Variants in TOMM70 observed in about 807,000 individuals in gnomAD.
TOMM70 encodes mitochondrial import receptor subunit TOM70.
Under a neutral mutation model 73.6 loss-of-function variants are expected in TOMM70, and 13 were observed. That is an observed-to-expected ratio of 0.18 (90% CI 0.11 to 0.28). The LOEUF is 0.28. Among genes scored for constraint, TOMM70 ranks in the 10% least tolerant of loss-of-function variants. The pLI, the probability that TOMM70 is intolerant of heterozygous loss-of-function variation, is 1.00. For missense variants in TOMM70, 609 were observed against 747.5 expected, an observed-to-expected ratio of 0.81 and a Z score of 2.16; for synonymous variants, 257 against 271.2, an observed-to-expected ratio of 0.95 and a Z score of 0.51.
intron 7 of TOMM70, 95 bp downstream of exon 7, chr3:100,374,923 A>G (rs1197846794): frequency 3.7e-6 from 5 of 1,368,146 alleles, no homozygotes; most frequent in Admixed American, 5.5e-5. Context: ...CAGAAATTAT[A>G]TAAGAAAACT....
chr3:100,387,238 G>A (rs1368515968), intron 1 of TOMM70, among the ~76,000 whole-genome samples: 1 of 152,130 alleles, frequency 6.6e-6, no homozygotes, highest in African/African-American at 2.4e-5. Context: ...CTTGAGGCCA[G>A]GAGTTTGAGA....
At chr3:100,396,597 C>T (rs1156532667) in intron 1 of TOMM70, among the ~76,000 whole-genome samples, 1 of 151,998 alleles carries the variant, frequency 6.6e-6, no homozygotes, top group Non-Finnish European at 1.5e-5. Context: ...TGACTCAAGC[C>T]CACAGATTGA....
At chr3:100,379,202 T>A (rs955870654) in intron 5 of TOMM70, among the ~76,000 whole-genome samples, 1 of 151,364 alleles carries the variant, frequency 6.6e-6, no homozygotes, top group African/African-American at 2.4e-5. Context: ...TAATTTTTTT[T>A]AACTGAAATT....
intron 2 of TOMM70, 32 bp from the exon 3 acceptor site, chr3:100,386,376 C>A (rs1246903737): frequency 6.3e-7 from 1 of 1,578,528 alleles, no homozygotes; most frequent in Non-Finnish European, 8.6e-7. Context: ...AAAAGTCACA[C>A]TAAAGAAAGT....
intron 1 of TOMM70, among the ~76,000 whole-genome samples, chr3:100,395,685 A>C (rs1364142542): frequency 1.3e-5 from 2 of 152,230 alleles, no homozygotes; most frequent in African/African-American, 4.8e-5. Context: ...CATATATAAA[A>C]TATAAACTTA....
chr3:100,386,579 T>C (rs938941402), intron 2 of TOMM70, among the ~76,000 whole-genome samples: 3 of 152,218 alleles, frequency 2.0e-5, no homozygotes, highest in African/African-American at 7.2e-5. Flanking sequence ...TACTATCTAA[T>C]TTTATAAAAT....
At chr3:100,397,097 T>G (rs972580975) in intron 1 of TOMM70, among the ~76,000 whole-genome samples, 4 of 152,220 alleles carry the variant, frequency 2.6e-5, no homozygotes, top group Non-Finnish European at 5.9e-5. Flanking sequence ...ATTGCTCAGG[T>G]GGAGAAAGGA....
chr3:100,368,297 A>G, intron 10 of TOMM70, 131 bp from the exon 11 acceptor site: 1 of 1,093,398 alleles, frequency 9.1e-7, no homozygotes, highest in Non-Finnish European at 1.2e-6. Flanking sequence ...GCAATATATA[A>G]TCAGCATCAA....
chr3:100,367,247 G>A (rs938019662), intron 11 of TOMM70, among the ~76,000 whole-genome samples: 2 of 151,904 alleles, frequency 1.3e-5, no homozygotes, highest in Admixed American at 1.3e-4. Context: ...ATATTTACAT[G>A]CCACTGTGGG....
At chr3:100,394,372 T>TTCTTTTC (rs1379493872) in intron 1 of TOMM70, among the ~76,000 whole-genome samples, 1 of 152,050 alleles carries the variant, frequency 6.6e-6, no homozygotes, top group African/African-American at 2.4e-5. Flanking sequence ...TTTCTTTTTT[T>TTCTTTTC]TTTTTTGAGA....
intron 6 of TOMM70, chr3:100,377,504 C>A (rs1166690802): frequency 3.5e-6 from 2 of 569,486 alleles, no homozygotes; most frequent in Non-Finnish European, 6.1e-6. Context: ...AATTTCCTTT[C>A]CTAAATAAAG....
intron 1 of TOMM70, among the ~76,000 whole-genome samples, chr3:100,399,527 A>G (rs1347398271): frequency 1.3e-5 from 2 of 152,162 alleles, no homozygotes. Flanking sequence ...AGCCAGACTA[A>G]TTCTCTGCAC....
At chr3:100,392,667 C>T (rs922374544) in intron 1 of TOMM70, among the ~76,000 whole-genome samples, 14 of 152,120 alleles carry the variant, frequency 9.2e-5, no homozygotes, top group African/African-American at 3.1e-4. Context: ...ATCCACACAC[C>T]TCAGCCTCCC....
At position 100,386,832 on chromosome 3, in the gene TOMM70, T is replaced by C. The variant is rs757322156; in HGVS notation, c.471A>G (p.Gln157=). Residue 157 remains glutamine (Q), a synonymous_variant, in exon 2 of 12, where the codon CAA becomes CAG. Coordinates refer to ENST00000284320, the MANE Select transcript of TOMM70 (RefSeq NM_014820.5). ...ACTGTTCAAAGGCAGCAGCTCTGTT[T>C]TGATAAAATGTAGAAAGGTCAACAT... ...EKNVDLSTFY[Q]NRAAAFEQLQ... 1.1e-5 allele frequency: 17 copies of C among 1,614,058 alleles called. No individual in the cohort carries two copies. Among genetic ancestry groups the C allele is most frequent in the Non-Finnish European group, 1.7e-6 (2 of 1,180,034 alleles).
intron 5 of TOMM70, among the ~76,000 whole-genome samples, chr3:100,379,968 T>G (rs1706612392): frequency 6.6e-6 from 1 of 152,180 alleles, no homozygotes; most frequent in African/African-American, 2.4e-5. Context: ...CCAAAAATCT[T>G]ATAAGCTCTA....
intron 9 of TOMM70, among the ~76,000 whole-genome samples, chr3:100,370,913 C>T (rs1200914177): frequency 2.0e-5 from 3 of 152,182 alleles, no homozygotes; most frequent in Non-Finnish European, 4.4e-5. Context: ...GGCCTTTGCT[C>T]TTCTAGATGC....
At chr3:100,375,188 T>G in intron 6 of TOMM70, 36 bp from the exon 7 acceptor site, 1 of 1,495,170 alleles carries the variant, frequency 6.7e-7, no homozygotes. Flanking sequence ...TCATCATTAC[T>G]TTTTTTTCCC....
intron 1 of TOMM70, among the ~76,000 whole-genome samples, chr3:100,399,278 CAA>C (rs200617536): frequency 8.8e-5 from 8 of 91,216 alleles, no homozygotes; most frequent in Admixed American, 1.2e-4. Context: ...GACTCCATCT[CAA>C]AAAAAAAAAA....
At position 100,364,025 on chromosome 3, in the gene TOMM70, A is replaced by G. The variant is rs1179489675; in HGVS notation, c.*1539T>C. 1 of 152,172 alleles carries G rather than the reference A, an allele frequency of 6.6e-6. No individual in the cohort carries two copies. Among genetic ancestry groups the G allele is most frequent in the African/African-American group, 2.4e-5 (1 of 41,436 alleles). 9.4% of individuals were successfully genotyped at this position (152,172 alleles called of 1,614,324 possible). A position where few individuals can be genotyped will look rare whatever the true frequency, so the allele number is the denominator to read the frequency against. On this transcript the variant is annotated 3_prime_UTR_variant, in exon 12 of 12. Transcript: ENST00000284320. The stretch of plus-strand genomic sequence containing the variant: ...TGCTCCTTTACTCCCAACAGTGTAA[A>G]CCATAATTATAATTCGTTCTTAAAT...
Sources: allele counts gnomAD v4.1 joint callset (sites outside exome capture counted in the v4.1 genomes callset), GRCh38; gene constraint gnomAD v4.1.1; transcripts MANE v1.5; gene names NCBI Gene and HGNC (gene_info 2026-07-23, HGNC 2026-07-21).